The following GABRG3 variants were observed in gnomAD, a reference collection of about 807,000 sequenced individuals.
GABRG3 encodes gamma-aminobutyric acid receptor subunit gamma-3.
In GABRG3, 25 loss-of-function variants were observed where a neutral mutation model predicts 48.8. The ratio of observed to expected loss-of-function variants is 0.51; its 90% confidence interval spans 0.37 to 0.72. GABRG3 has a LOEUF of 0.72. GABRG3 is among the 30% of genes least tolerant of loss of function. The pLI is 0.00. For missense variants in GABRG3, 394 were observed against 577.9 expected, an observed-to-expected ratio of 0.68 and a Z score of 3.26; for synonymous variants, 227 against 217.6, an observed-to-expected ratio of 1.04 and a Z score of -0.38.
At chr15:27,153,387 G>C (rs758442974) in intron 3 of GABRG3, among the ~76,000 whole-genome samples, 3 of 152,074 alleles carry the variant, frequency 2.0e-5, no homozygotes, top group Admixed American at 6.6e-5. Flanking sequence ...CACAATGTTG[G>C]TTACTGTAGC....
intron 5 of GABRG3, among the ~76,000 whole-genome samples, chr15:27,395,488 A>G (rs1050140098): frequency 5.3e-5 from 8 of 152,224 alleles, no homozygotes; most frequent in Admixed American, 2.6e-4. Context: ...AATTTTACCT[A>G]TTACTATAAA....
At chr15:27,429,301 T>G (rs1888380046) in intron 5 of GABRG3, among the ~76,000 whole-genome samples, 1 of 152,206 alleles carries the variant, frequency 6.6e-6, no homozygotes, top group African/African-American at 2.4e-5. Context: ...AATATATTCA[T>G]GATTGACCTT....
chr15:27,312,923 T>TA (rs894839922), intron 3 of GABRG3, among the ~76,000 whole-genome samples: 2 of 150,670 alleles, frequency 1.3e-5, no homozygotes, highest in African/African-American at 2.4e-5. Flanking sequence ...GTCTAAAAGT[T>TA]AAAAAAAAGT....
chr15:27,384,605 C>T (rs1285864267), intron 5 of GABRG3, among the ~76,000 whole-genome samples: 2 of 152,070 alleles, frequency 1.3e-5, no homozygotes, highest in Non-Finnish European at 2.9e-5. Context: ...CATGAAATTG[C>T]CCTGATGCTT....
intron 5 of GABRG3, among the ~76,000 whole-genome samples, chr15:27,402,077 T>C (rs1203979816): frequency 6.6e-6 from 1 of 152,182 alleles, no homozygotes; most frequent in Non-Finnish European, 1.5e-5. Flanking sequence ...CAATGCTTCA[T>C]AGAGAAGAAA....
Position 27,003,718 on chromosome 15 carries a change from G to A in GABRG3, c.203-23036G>A, listed in dbSNP as rs1393564037. Among the ~76,000 whole-genome samples, 5 of 152,080 alleles carry A rather than the reference G, an allele frequency of 3.3e-5. No homozygotes were observed. The East Asian group carries it at 5.8e-4, about 18-fold the overall frequency. ...AAAACCGCCATTGTCATCATGGCCC[G>A]TTCTCAATGAGCTGTTGGGTACACC... On this transcript the variant is annotated intron_variant, in intron 2 of 9. Transcript: ENST00000615808.
rs138699916 is a variant in GABRG3, at chr15:27,319,041, G to A, written c.271-7768G>A. Among the ~76,000 whole-genome samples the A allele has an allele frequency of 5.3e-5, 8 of 152,272 alleles. No homozygotes were observed. The highest frequency in any genetic ancestry group is 1.9e-4 in the African/African-American group (8 of 41,558). The stretch of plus-strand genomic sequence containing the variant: ...TGTATACTTGTAACTGGCTAAGAGG[G>A]TAGATCATAAATGTTCTCACCACCA... On this transcript the variant is annotated intron_variant, in intron 3 of 9. Coordinates refer to ENST00000615808, the MANE Select transcript of GABRG3 (RefSeq NM_033223.5). This position sits in a 1 kb window ranked among gnomAD's most constrained non-coding sequence, Gnocchi z 4.4.
intron 3 of GABRG3, among the ~76,000 whole-genome samples, chr15:27,176,028 G>GAA (rs11415524): frequency 7.2e-4 from 98 of 135,384 alleles, no homozygotes; most frequent in Middle Eastern, 4.0e-3. Context: ...AGTATGCTGG[G>GAA]AAAAAAAAAA....
intron 5 of GABRG3, chr15:27,364,631 A>G (rs1357774662): frequency 1.3e-5 from 2 of 152,328 alleles, no homozygotes; most frequent in East Asian, 3.9e-4. Flanking sequence ...AGTAGCCTTC[A>G]TAGTAAGTCA....
At chr15:27,036,068 C>G (rs1486424737) in intron 3 of GABRG3, among the ~76,000 whole-genome samples, 1 of 152,214 alleles carries the variant, frequency 6.6e-6, no homozygotes, top group Non-Finnish European at 1.5e-5. Context: ...AATGGGAACA[C>G]AGCAGTGAAC....
intron 3 of GABRG3, among the ~76,000 whole-genome samples, chr15:27,054,659 G>A (rs1303350367): frequency 1.3e-5 from 2 of 152,148 alleles, no homozygotes; most frequent in African/African-American, 4.8e-5. Context: ...CTGCAGATCC[G>A]TCAGATGGAA....
At chr15:27,123,127 C>G (rs922249646) in intron 3 of GABRG3, among the ~76,000 whole-genome samples, 3 of 152,198 alleles carry the variant, frequency 2.0e-5, no homozygotes, top group African/African-American at 7.2e-5. Flanking sequence ...ATCACTCTTT[C>G]TCTTTGTCAG....
Position 27,392,853 on chromosome 15 carries a change from G to A in GABRG3, c.574+63965G>A, listed in dbSNP as rs186290701. On this transcript the variant is annotated intron_variant, in intron 5 of 9. Transcript: ENST00000615808. ...ATTTTGTTACTCAAATTGCTCCAGC[G>A]TTGGCCATTGGGAGCACATTCTGTT... Among the ~76,000 whole-genome samples the A allele has an allele frequency of 7.2e-5, 11 of 152,264 alleles. No homozygotes were observed. In the East Asian group the frequency reaches 7.7e-4, roughly 11 times the overall value.
intron 6 of GABRG3, among the ~76,000 whole-genome samples, chr15:27,511,198 G>A (rs138109848): frequency 3.3e-5 from 5 of 152,318 alleles, no homozygotes; most frequent in Admixed American, 6.5e-5. Context: ...CACCAAAAGC[G>A]CATGGAATTA....
rs572695519 is a variant in GABRG3 at position 26,980,635 on chromosome 15, C to T, written c.202+3485C>T. ...CAGATGTTGCAGTGAGCTGAGATGG[C>T]GCCACTGCACTCCAGCCTGGGCCAC... On this transcript the variant is annotated intron_variant, in intron 2 of 9. Coordinates refer to ENST00000615808, the MANE Select transcript of GABRG3 (RefSeq NM_033223.5). Among the ~76,000 whole-genome samples the T allele has an allele frequency of 6.7e-4, 100 of 148,810 alleles. 1 individual carries two copies. Among genetic ancestry groups the T allele is most frequent in the African/African-American group, 2.3e-3 (95 of 40,464 alleles).
intron 3 of GABRG3, among the ~76,000 whole-genome samples, chr15:27,194,606 G>GT (rs1292165525): frequency 1.3e-5 from 2 of 152,076 alleles, no homozygotes; most frequent in Non-Finnish European, 2.9e-5. Context: ...AGCATTCATG[G>GT]TTTTAGATGA....
At chr15:27,327,118 C>T (rs1234681132) in intron 4 of GABRG3, 89 bp downstream of exon 4, 2 of 1,149,992 alleles carry the variant, frequency 1.7e-6, no homozygotes, top group East Asian at 2.6e-5. Context: ...CTATTTTCAT[C>T]TCTAAGTCTA....
At chr15:27,412,360 C>A (rs964250771) in intron 5 of GABRG3, among the ~76,000 whole-genome samples, 1 of 152,224 alleles carries the variant, frequency 6.6e-6, no homozygotes, top group Middle Eastern at 3.4e-3. Flanking sequence ...CTGTCCTTGA[C>A]CCCTGGAAAT....
chr15:27,260,866 G>A (rs908421929), intron 3 of GABRG3, among the ~76,000 whole-genome samples: 1 of 152,180 alleles, frequency 6.6e-6, no homozygotes, highest in African/African-American at 2.4e-5. Flanking sequence ...TCGGGAGCAG[G>A]AGTGAGGCTC....
Sources: allele counts gnomAD v4.1 joint callset (sites outside exome capture counted in the v4.1 genomes callset), GRCh38; gene constraint gnomAD v4.1.1; non-coding constraint Gnocchi (gnomAD v3.1); transcripts MANE v1.5; gene names NCBI Gene and HGNC (gene_info 2026-07-23, HGNC 2026-07-21).